Variants in MCOLN1 observed in about 807,000 individuals in gnomAD.
MCOLN1 encodes the protein mucolipin-1.
MCOLN1 carries 50 observed loss-of-function variants against 70.3 expected under a neutral mutation model. The observed-to-expected ratio is 0.71, with a 90% CI of 0.57 to 0.90. The LOEUF is 0.90. Ranked by LOEUF, MCOLN1 falls within the 40% of genes least tolerant of loss-of-function variation. The probability of loss-of-function intolerance (pLI) is 0.00; values close to 1 mark genes in which losing one functional copy is unlikely to be tolerated. For missense variants in MCOLN1, 598 were observed against 803.5 expected (o/e 0.74, Z 3.09); for synonymous variants, 366 against 341.0 (o/e 1.07, Z -0.81).
rs2022550603 is a variant in MCOLN1 at position 7,525,121 on chromosome 19, C to A, written c.192C>A (p.Cys64Ter). The A allele has an allele frequency of 6.2e-7, 1 of 1,614,168 alleles. No individual in the cohort carries two copies. The highest frequency in any genetic ancestry group is 2.2e-5 in the East Asian group (1 of 44,886). Residue 64 changes from cysteine (C) to a stop codon, truncating the protein, a stop_gained, in exon 2 of 14, where the codon TGC (cysteine) becomes TGA (stop). Coordinates refer to ENST00000264079, the MANE Select transcript of MCOLN1 (RefSeq NM_020533.3). LOFTEE classifies it high-confidence loss of function. The surrounding 1 kb of genome is among the most constrained non-coding windows in gnomAD (Gnocchi z 4.2). ...DKFRAKGRKPCKLMLQVVKIL... is the reference protein window; with the variant it reads ...DKFRAKGRKP ...TTCGAGCCAAGGGCCGCAAGCCCTGCAAGCTGATGCTGCAAGTGGTCAAGA... is the reference window on the plus strand; with the variant it reads ...TTCGAGCCAAGGGCCGCAAGCCCTGAAAGCTGATGCTGCAAGTGGTCAAGA...
At position 7,529,599 on chromosome 19, in the gene MCOLN1, G is replaced by A. The variant is rs1446557903; in HGVS notation, c.1246G>A (p.Ala416Thr). 9 of 1,587,560 alleles carry A rather than the reference G, an allele frequency of 5.7e-6. No homozygotes were observed. The highest frequency in any genetic ancestry group is 6.9e-6 in the Non-Finnish European group (8 of 1,163,652). Residue 416 changes from alanine (A) to threonine (T), a missense_variant, in exon 11 of 14, where the codon GCC becomes ACC. Ala to Thr is a moderately conservative substitution (Grantham distance 58). Coordinates refer to ENST00000264079, the MANE Select transcript of MCOLN1 (RefSeq NM_020533.3). ...CTCTGCCCCAACCCAGATCCTCATC[G>A]CCACACTGCGGGTGGCCCTGCCCAG... is the stretch of plus-strand genomic sequence containing the variant. The part of the protein sequence containing the change: ...TFFHNYNILI[A>T]TLRVALPSVM...
rs747081621 is a variant in MCOLN1 at position 7,529,084 on chromosome 19, G to A, written c.1135-17G>A. On this transcript the variant is annotated splice_polypyrimidine_tract_variant and intron_variant, in intron 9 of 13. Transcript: ENST00000264079. The stretch of plus-strand genomic sequence containing the variant: ...GAAGGGCTGGGCCAGATAGGTTGAC[G>A]CAGCTCCCACCCGCAGAACTTGGCG... 1.9e-6 allele frequency: 3 copies of A among 1,613,636 alleles called. No individual in the cohort carries two copies. Among genetic ancestry groups the A allele is most frequent in the East Asian group, 2.2e-5 (1 of 44,880 alleles).
At chr19:7,523,854 CT>C (rs35142701) in intron 1 of MCOLN1, among the ~76,000 whole-genome samples, 169 of 142,846 alleles carry the variant, frequency 1.2e-3, no homozygotes, top group Non-Finnish European at 1.2e-3. Context: ...AGAGGGTGGA[CT>C]TTTTTTTTTT....
Position 7,529,333 on chromosome 19 carries a change from A to G in MCOLN1, c.1236+131A>G, listed in dbSNP as rs773929869. 805 of 939,628 alleles carry G rather than the reference A, an allele frequency of 8.6e-4. 5 individuals are homozygous for G. Among genetic ancestry groups the G allele is most frequent in the Non-Finnish European group, 2.5e-4 (147 of 598,972 alleles). The allele number at this position is 939,628 out of a possible 1,614,324, so 58.2% of individuals were successfully genotyped here. A position where few individuals can be genotyped will look rare whatever the true frequency, so the allele number is the denominator to read the frequency against. On this transcript the variant is annotated intron_variant, in intron 10 of 13. Coordinates refer to ENST00000264079, the MANE Select transcript of MCOLN1 (RefSeq NM_020533.3). ...AAGCCTCCTCCTCCTACCTGCCCAC[A>G]CCAGATATATCTGTCACTGCACCTG...
Position 7,524,349 on chromosome 19 carries a change from C to T in MCOLN1, c.32-612C>T, listed in dbSNP as rs192599874. Among the ~76,000 whole-genome samples, 9 of 152,304 alleles carry T rather than the reference C, an allele frequency of 5.9e-5. No individual in the cohort carries two copies. The South Asian group carries it at 6.2e-4, about 11-fold the overall frequency. On this transcript the variant is annotated intron_variant, in intron 1 of 13. Coordinates refer to ENST00000264079, the MANE Select transcript of MCOLN1 (RefSeq NM_020533.3). This position sits in a 1 kb window ranked among gnomAD's most constrained non-coding sequence, Gnocchi z 4.1. ...TTATTATTACTTATGTTGTCAATTA[C>T]CTCTTCTCCAGGTCCTTGGCTTCTG...
intron 5 of MCOLN1, 31 bp from the exon 6 acceptor site, chr19:7,527,833 C>G: frequency 6.4e-7 from 1 of 1,561,374 alleles, no homozygotes; most frequent in Non-Finnish European, 8.8e-7. Context: ...CCCGAAGACG[C>G]CCCTGACCCT....
Position 7,527,216 on chromosome 19 carries a change from A to T in MCOLN1, c.571+290A>T. 5.3e-6 allele frequency: 3 copies of T among 564,514 alleles called. No individual in the cohort carries two copies. The East Asian group carries it at 9.6e-5, about 18-fold the overall frequency. The allele number at this position is 564,514 out of a possible 1,614,324, so 35.0% of individuals were successfully genotyped here. On this transcript the variant is annotated intron_variant, in intron 4 of 13. Transcript: ENST00000264079. ...GAGTCCGGGAGGTTGAGGCTGCAGT[A>T]AGCTATGACCACGCTGCTGCACTCC...
intron 10 of MCOLN1, 83 bp from the exon 11 acceptor site, chr19:7,529,507 C>A: frequency 1.3e-6 from 1 of 747,178 alleles, no homozygotes; most frequent in Non-Finnish European, 2.3e-6. Context: ...CAAGGCCCCG[C>A]CCCTCCCACC....
chr19:7,531,675 T>G (rs1381235510), intron 12 of MCOLN1, among the ~76,000 whole-genome samples: 3 of 151,928 alleles, frequency 2.0e-5, no homozygotes, highest in Admixed American at 2.0e-4. Flanking sequence ...CTTTATTTAT[T>G]TATTTTTTTT....
chr19:7,523,233 C>G (rs1211144408), intron 1 of MCOLN1, among the ~76,000 whole-genome samples: 1 of 152,244 alleles, frequency 6.6e-6, no homozygotes, highest in Non-Finnish European at 1.5e-5. Flanking sequence ...TGCCCCCAGG[C>G]GATTAACTCA....
chr19:7,523,130 C>T (rs2022518835), intron 1 of MCOLN1, among the ~76,000 whole-genome samples: 1 of 152,228 alleles, frequency 6.6e-6, no homozygotes, highest in African/African-American at 2.4e-5. Flanking sequence ...CCAGCTTCTC[C>T]AACCCGCACG....
rs2022711276 is a variant in MCOLN1 at position 7,533,806 on chromosome 19, C to T, written c.*11C>T. 1 of 1,614,172 alleles carries T rather than the reference C, an allele frequency of 6.2e-7. No individual in the cohort carries two copies. Among genetic ancestry groups the T allele is most frequent in the South Asian group, 1.1e-5 (1 of 91,090 alleles). On this transcript the variant is annotated 3_prime_UTR_variant, in exon 14 of 14. Coordinates refer to ENST00000264079, the MANE Select transcript of MCOLN1 (RefSeq NM_020533.3). ...CTGCTGGTGAATTGATTCGACCTGA[C>T]TGCCGTTGGACCGTAGGCCCTGGAC...
At position 7,526,334 on chromosome 19, in the gene MCOLN1, G is replaced by A; in HGVS notation, c.238-105G>A. On this transcript the variant is annotated intron_variant, in intron 2 of 13. Transcript: ENST00000264079. This position sits in a 1 kb window ranked among gnomAD's most constrained non-coding sequence, Gnocchi z 4.6. Reference sequence around the variant, plus strand: ...AGCAGGGCCCTGCCCCACCCCAGTGGACATCTGCAGGGCCCTCCCTGTCCT... The same window carrying A: ...AGCAGGGCCCTGCCCCACCCCAGTGAACATCTGCAGGGCCCTCCCTGTCCT... 1 of 1,355,964 alleles carries A rather than the reference G, an allele frequency of 7.4e-7. No homozygotes were observed. Among genetic ancestry groups the A allele is most frequent in the Non-Finnish European group, 1.1e-6 (1 of 946,540 alleles). 84.0% of individuals were successfully genotyped at this position (1,355,964 alleles called of 1,614,324 possible). A position where few individuals can be genotyped will look rare whatever the true frequency, so the allele number is the denominator to read the frequency against.
At position 7,533,767 on chromosome 19, in the gene MCOLN1, C is replaced by T. The variant is rs752539729; in HGVS notation, c.1715C>T (p.Ser572Leu). ...CTGCTTCCTTCCTCCAGGGACCCCTCGGAGGAGCATTCGCTGCTGGTGAAT... is the reference window on the plus strand; with the variant it reads ...CTGCTTCCTTCCTCCAGGGACCCCTTGGAGGAGCATTCGCTGCTGGTGAAT... ...SLLCCCGRDP[S>L]EEHSLLVN Residue 572 changes from serine (S) to leucine (L), a missense_variant, in exon 14 of 14, where the codon TCG (serine) becomes TTG (leucine). By Grantham distance (145) the Ser-to-Leu change is moderately radical (BLOSUM62 -2). Transcript: ENST00000264079. 1.2e-6 allele frequency: 2 copies of T among 1,614,198 alleles called. No individual in the cohort carries two copies. Among genetic ancestry groups the T allele is most frequent in the South Asian group, 2.2e-5 (2 of 91,086 alleles).
chr19:7,528,075 C>T lies in MCOLN1; in HGVS notation c.778-83C>T, dbSNP rs764741864. 6.9e-5 allele frequency: 107 copies of T among 1,543,012 alleles called. No homozygotes were observed. Among genetic ancestry groups the T allele is most frequent in the Middle Eastern group, 1.7e-4 (1 of 5,940 alleles). On this transcript the variant is annotated intron_variant, in intron 6 of 13. Coordinates refer to ENST00000264079, the MANE Select transcript of MCOLN1 (RefSeq NM_020533.3). The surrounding 1 kb of genome is among the most constrained non-coding windows in gnomAD (Gnocchi z 4.2). ...CGTGCGGGTGATGAGGGAGGGAGCC[C>T]GGGGTCTGTCAGGCCACCTGTCATG...
chr19:7,529,502 C>CA, intron 10 of MCOLN1, 88 bp from the exon 11 acceptor site: 11 of 518,872 alleles, frequency 2.1e-5, no homozygotes, highest in Non-Finnish European at 3.0e-5. Flanking sequence ...CTCGGCAAGG[C>CA]CCCGCCCCTC....
At chr19:7,523,976 A>G (rs1363151491) in intron 1 of MCOLN1, among the ~76,000 whole-genome samples, 1 of 152,056 alleles carries the variant, frequency 6.6e-6, no homozygotes, top group African/African-American at 2.4e-5. Flanking sequence ...CCTCCCGGGT[A>G]GATGGGGTCC....
intron 12 of MCOLN1, 176 bp from the exon 13 acceptor site, chr19:7,533,347 C>A: frequency 1.3e-6 from 1 of 749,612 alleles, no homozygotes; most frequent in South Asian, 1.8e-5. Context: ...GTTCAGGGGT[C>A]AGGGAAGGTC....
rs45513896 is a variant in MCOLN1 at position 7,526,723 on chromosome 19, G to A, written c.406-38G>A. 0.042 allele frequency: 68,423 copies of A among 1,610,642 alleles called. 1,728 individuals carry two copies. Among genetic ancestry groups the A allele is most frequent in the South Asian group, 0.07 (6,395 of 90,962 alleles). On this transcript the variant is annotated intron_variant, in intron 3 of 13. Coordinates refer to ENST00000264079, the MANE Select transcript of MCOLN1 (RefSeq NM_020533.3). The surrounding 1 kb of genome is among the most constrained non-coding windows in gnomAD (Gnocchi z 4.6). ...TGCAGGTGGGTGGGCTGCAGAGAGC[G>A]GGCCGGACTCACAGGCCCTCCCCTT...
Sources: gnomAD v4.1 joint callset for allele counts (sites outside exome capture counted in the v4.1 genomes callset) on GRCh38, gnomAD v4.1.1 for gene constraint, Gnocchi (gnomAD v3.1) non-coding constraint, MANE v1.5 for transcripts, NCBI Gene and HGNC (gene_info 2026-07-23, HGNC 2026-07-21) for gene names.